The following ACTMAP variants were observed in gnomAD, a reference collection of about 807,000 sequenced individuals.
ACTMAP encodes the protein actin maturation protease, also known as UPF0692 protein C19orf54.
the ACTMAP span, chr19:40,745,139 T>C: frequency 6.4e-7 from 1 of 1,551,878 alleles, no homozygotes; most frequent in Non-Finnish European, 8.7e-7. Flanking sequence ...CTGAGGGCCT[T>C]CTTGGATGAG....
At chr19:40,747,354 AGAC>A in the ACTMAP span, among the ~76,000 whole-genome samples, 1 of 151,556 alleles carries the variant, frequency 6.6e-6, no homozygotes, top group Non-Finnish European at 1.5e-5. Flanking sequence ...CTGGCCAACA[AGAC>A]GACAGCCCGT....
the ACTMAP span, chr19:40,744,053 A>G: frequency 1.2e-6 from 2 of 1,613,882 alleles, no homozygotes; most frequent in Non-Finnish European, 1.7e-6. Flanking sequence ...CCTCTCTCCC[A>G]GGCCCTGGGA....
the ACTMAP span, among the ~76,000 whole-genome samples, chr19:40,744,365 G>A: frequency 6.6e-6 from 1 of 152,198 alleles, no homozygotes; most frequent in African/African-American, 2.4e-5. Context: ...CCCCAGCGAA[G>A]AGGTGGCAGA....
the ACTMAP span, among the ~76,000 whole-genome samples, chr19:40,747,428 C>T: frequency 6.6e-6 from 1 of 151,906 alleles, no homozygotes; most frequent in Non-Finnish European, 1.5e-5. Flanking sequence ...ATCCCAGCTA[C>T]TCAGGAGGCC....
At chr19:40,744,644 C>T in the ACTMAP span, 7 of 1,613,448 alleles carry the variant, frequency 4.3e-6, no homozygotes, top group Middle Eastern at 9.9e-4. Context: ...TGGGGGGCGA[C>T]AGGAGAGTAC....
the ACTMAP span, chr19:40,749,617 C>A: frequency 6.5e-7 from 1 of 1,549,748 alleles, no homozygotes; most frequent in Non-Finnish European, 8.7e-7. Context: ...CCTGTGGCAG[C>A]GGGTGGAGGA....
the ACTMAP span, among the ~76,000 whole-genome samples, chr19:40,749,212 A>G: frequency 6.6e-6 from 1 of 152,100 alleles, no homozygotes; most frequent in Non-Finnish European, 1.5e-5. Flanking sequence ...GCAGGTCTCC[A>G]ACTCCTGACC....
chr19:40,749,695 C>T, the ACTMAP span: 52 of 1,529,478 alleles, frequency 3.4e-5, no homozygotes, highest in Non-Finnish European at 3.7e-5. Flanking sequence ...GCTGAAAAGT[C>T]CAGGGGACTT....
the ACTMAP span, chr19:40,749,414 CA>C: frequency 4.2e-6 from 6 of 1,425,018 alleles, no homozygotes; most frequent in Non-Finnish European, 5.7e-6. Context: ...ACCCCCCCCC[CA>C]CCCCAAGAGA....
the ACTMAP span, chr19:40,749,404 A>ACCCCCCC: frequency 1.1e-4 from 125 of 1,174,292 alleles, no homozygotes; most frequent in South Asian, 1.7e-4. Context: ...GGACACGGGA[A>ACCCCCCC]CCCCCCCCCC....
the ACTMAP span, chr19:40,749,618 G>T: frequency 6.5e-7 from 1 of 1,550,262 alleles, no homozygotes; most frequent in Admixed American, 2.0e-5. Context: ...CTGTGGCAGC[G>T]GGTGGAGGAG....
At chr19:40,743,917 C>G in the ACTMAP span, 1 of 1,614,020 alleles carries the variant, frequency 6.2e-7, no homozygotes, top group Non-Finnish European at 8.5e-7. Context: ...GCACTCACCG[C>G]CCAGTGTGCC....
chr19:40,749,826 G>T, the ACTMAP span: 1 of 1,398,034 alleles, frequency 7.2e-7, no homozygotes, highest in South Asian at 1.6e-5. Flanking sequence ...AGGAGGTGTT[G>T]AGAGGTTCAG....
At chr19:40,744,383 T>C in the ACTMAP span, among the ~76,000 whole-genome samples, 5 of 152,144 alleles carry the variant, frequency 3.3e-5, no homozygotes, top group Admixed American at 6.5e-5. Flanking sequence ...AGAGCTGGGT[T>C]TGCAACCTAG....
the ACTMAP span, chr19:40,742,740 C>T: frequency 6.2e-7 from 1 of 1,610,876 alleles, no homozygotes; most frequent in Non-Finnish European, 8.5e-7. Context: ...GTAGCCGAGA[C>T]TGGGCACAGC....
At chr19:40,744,642 G>C in the ACTMAP span, 1 of 1,613,426 alleles carries the variant, frequency 6.2e-7, no homozygotes, top group African/African-American at 1.3e-5. Flanking sequence ...ACTGGGGGGC[G>C]ACAGGAGAGT....
the ACTMAP span, among the ~76,000 whole-genome samples, chr19:40,748,282 G>A: frequency 1.3e-5 from 2 of 151,954 alleles, no homozygotes; most frequent in Non-Finnish European, 2.9e-5. Flanking sequence ...TGGCCAACAT[G>A]ACAAACCCTG....
the ACTMAP span, chr19:40,749,918 T>C: frequency 1.0e-4 from 87 of 840,200 alleles, no homozygotes; most frequent in African/African-American, 1.5e-3. Flanking sequence ...AGTTCCAGAA[T>C]CTGGGGACTG....
At chr19:40,744,041 C>T in the ACTMAP span, 1 of 1,613,996 alleles carries the variant, frequency 6.2e-7, no homozygotes, top group Non-Finnish European at 8.5e-7. Context: ...CACCCCTGCC[C>T]TCCTCTCTCC....
Sources: allele counts gnomAD v4.1 joint callset (sites outside exome capture counted in the v4.1 genomes callset), GRCh38; gene constraint gnomAD v4.1.1; transcripts MANE v1.5; gene names NCBI Gene and HGNC (gene_info 2026-07-23, HGNC 2026-07-21).